The following LCA5 variants were observed in gnomAD, a reference collection of about 807,000 sequenced individuals.
LCA5 encodes the protein lebercilin.
A neutral mutation model predicts 53.0 loss-of-function variants in LCA5; 37 were observed. The ratio of observed to expected loss-of-function variants is 0.70; its 90% CI spans 0.54 to 0.92. The LOEUF is 0.92. Ranked by LOEUF, LCA5 falls within the 40% of genes least tolerant of loss-of-function variation. The probability of loss-of-function intolerance (pLI) is 0.00; values close to 1 mark genes in which losing one functional copy is unlikely to be tolerated. For synonymous variants in LCA5, 303 were observed against 282.9 expected (o/e 1.07, Z -0.71); for missense variants, 806 against 790.5 (o/e 1.02, Z -0.23).
At chr6:79,525,017 C>T (rs1394535401) in intron 1 of LCA5, 1 of 151,812 alleles carries the variant, frequency 6.6e-6, no homozygotes, top group Non-Finnish European at 1.5e-5. Flanking sequence ...AAAAATTATG[C>T]CAATATCTTC....
Position 79,487,580 on chromosome 6 carries a change from G to A in LCA5, c.1518C>T (p.Pro506=), listed in dbSNP as rs769091728. 31 of 1,613,874 alleles carry A rather than the reference G, an allele frequency of 1.9e-5. No homozygotes were observed. The Admixed American group carries it at 5.2e-4, about 27-fold the overall frequency. Residue 506 remains proline (P), a synonymous_variant, in exon 8 of 8, where the codon CCC becomes CCT. Coordinates refer to ENST00000369846, the MANE Select transcript of LCA5 (RefSeq NM_001122769.3). The part of the protein sequence containing the change: ...ESKLHSPERS[P]KTYRFSESSE... ...AGGATTCAGAGAACCTGTATGTTTT[G>A]GGGCTTCTCTCTGGGGAGTGTAGTT... is the stretch of plus-strand genomic sequence containing the variant.
intron 3 of LCA5, 54 bp from the exon 4 acceptor site, chr6:79,493,804 A>G (rs1242164309): frequency 1.5e-6 from 2 of 1,352,682 alleles, no homozygotes; most frequent in African/African-American, 1.4e-5. Flanking sequence ...CAACAATGAA[A>G]CATAACACAT....
chr6:79,491,838 G>A, intron 5 of LCA5, 108 bp from the exon 6 acceptor site: 2 of 899,460 alleles, frequency 2.2e-6, no homozygotes, highest in East Asian at 2.6e-5. Flanking sequence ...GCATATACAT[G>A]TACATTTATA....
At chr6:79,537,712 A>G (rs1767198914), upstream of LCA5, among the ~76,000 whole-genome samples, 1 of 151,824 alleles carries the variant, frequency 6.6e-6, no homozygotes, top group African/African-American at 2.4e-5. Flanking sequence ...CGGAGGGCAA[A>G]GTGGGTTCAT....
At chr6:79,516,736 C>T (rs1391048232) in intron 2 of LCA5, among the ~76,000 whole-genome samples, 3 of 151,838 alleles carry the variant, frequency 2.0e-5, no homozygotes, top group Non-Finnish European at 2.9e-5. Context: ...CATTCTTCAT[C>T]TCTCCTTCTT....
intron 1 of LCA5, among the ~76,000 whole-genome samples, chr6:79,530,037 A>G (rs1766911646): frequency 6.6e-6 from 1 of 151,912 alleles, no homozygotes; most frequent in Non-Finnish European, 1.5e-5. Context: ...GCACACCAAC[A>G]TGGCACACAT....
rs893680497 is a variant in LCA5 at position 79,534,313 on chromosome 6, T to C, written c.-192+2852A>G. Among the ~76,000 whole-genome samples the C allele has an allele frequency of 2.0e-5, 3 of 150,070 alleles. No homozygotes were observed. The East Asian group carries it at 5.8e-4, about 29-fold the overall frequency. ...TTTGAAATGTAAGACATAATCAGCTTATTTTAAACATTTTAAACAATGGAT... is the reference window on the plus strand; with the variant it reads ...TTTGAAATGTAAGACATAATCAGCTCATTTTAAACATTTTAAACAATGGAT... On this transcript the variant is annotated intron_variant, in intron 1 of 7. Transcript: ENST00000369846.
chr6:79,529,137 T>A (rs112708600), intron 1 of LCA5, among the ~76,000 whole-genome samples: 2,013 of 152,286 alleles, frequency 0.013, 50 homozygotes, highest in African/African-American at 0.046. Flanking sequence ...AGAGATTAAT[T>A]AAAACGGCTA....
intron 1 of LCA5, among the ~76,000 whole-genome samples, chr6:79,522,990 T>C (rs577920284): frequency 5.9e-5 from 9 of 152,202 alleles, no homozygotes; most frequent in Admixed American, 3.3e-4. Context: ...CGCTTCAAAA[T>C]TAACCCAAAG....
chr6:79,537,196 T>C lies in LCA5; in HGVS notation c.-223A>G, dbSNP rs1357254795. Reference sequence around the variant, plus strand: ...CCCGCAGGCTCTTCAGCAGAGCCGATGCGGCGTCCCGCCTCCTTGCCTTCC... The same window carrying C: ...CCCGCAGGCTCTTCAGCAGAGCCGACGCGGCGTCCCGCCTCCTTGCCTTCC... On this transcript the variant is annotated 5_prime_UTR_variant, in exon 1 of 8. Coordinates refer to ENST00000369846, the MANE Select transcript of LCA5 (RefSeq NM_001122769.3). 1 of 152,688 alleles carries C rather than the reference T, an allele frequency of 6.5e-6. No homozygotes were observed. The highest frequency in any genetic ancestry group is 1.5e-5 in the Non-Finnish European group (1 of 68,300). The allele number at this position is 152,688 out of a possible 1,614,324, so 9.5% of individuals were successfully genotyped here. A position where few individuals can be genotyped will look rare whatever the true frequency, so the allele number is the denominator to read the frequency against.
intron 3 of LCA5, among the ~76,000 whole-genome samples, chr6:79,510,099 A>C (rs1056777358): frequency 6.6e-6 from 1 of 152,222 alleles, no homozygotes; most frequent in African/African-American, 2.4e-5. Flanking sequence ...CTCTAATGTT[A>C]AGGTTTATTA....
intron 1 of LCA5, among the ~76,000 whole-genome samples, chr6:79,526,629 C>A (rs567441753): frequency 6.6e-6 from 1 of 152,238 alleles, no homozygotes; most frequent in East Asian, 1.9e-4. Context: ...AGCCCCTTTA[C>A]CTCAAAGGGT....
At position 79,487,126 on chromosome 6, in the gene LCA5, AAAAGCCTT is replaced by A; in HGVS notation, c.1964_1971del (p.Glu655ValfsTer4). The A allele has an allele frequency of 6.2e-7, 1 of 1,613,978 alleles. No individual in the cohort carries two copies. The highest frequency in any genetic ancestry group is 8.5e-7 in the Non-Finnish European group (1 of 1,179,928). On this transcript the variant is annotated frameshift_variant, in exon 8 of 8. Transcript: ENST00000369846. LOFTEE classifies it high-confidence loss of function. ...TTAAAACTTCTTCCTTCACTGAGGA[AAAAGCCTT>A]CATCTTCATCATGTTCTTGATCTCT... is the stretch of plus-strand genomic sequence containing the variant.
intron 3 of LCA5, among the ~76,000 whole-genome samples, chr6:79,503,269 G>C (rs1770191590): frequency 6.6e-6 from 1 of 152,192 alleles, no homozygotes; most frequent in African/African-American, 2.4e-5. Context: ...TTGGACTAGA[G>C]AGTTCCCCAT....
At chr6:79,516,969 T>C (rs149079745) in intron 2 of LCA5, among the ~76,000 whole-genome samples, 244 of 151,808 alleles carry the variant, frequency 1.6e-3, no homozygotes, top group African/African-American at 5.6e-3. Flanking sequence ...TGATACTGCA[T>C]GAATTTTATG....
intron 3 of LCA5, among the ~76,000 whole-genome samples, chr6:79,499,095 T>C (rs987038581): frequency 6.6e-6 from 1 of 152,074 alleles, no homozygotes; most frequent in African/African-American, 2.4e-5. Flanking sequence ...AAACAATCCA[T>C]GATTTAAAAC....
chr6:79,530,399 GA>G (rs1766923349), intron 1 of LCA5, among the ~76,000 whole-genome samples: 1 of 152,004 alleles, frequency 6.6e-6, no homozygotes, highest in Admixed American at 6.6e-5. Flanking sequence ...GAAAAATAAC[GA>G]ATAGGTACTG....
Position 79,537,392 on chromosome 6 carries a change from A to T in LCA5, c.-419T>A, listed in dbSNP as rs1174979638. 1 of 152,752 alleles carries T rather than the reference A, an allele frequency of 6.5e-6. No individual in the cohort carries two copies. Among genetic ancestry groups the T allele is most frequent in the African/African-American group, 2.4e-5 (1 of 41,476 alleles). 9.5% of individuals were successfully genotyped at this position (152,752 alleles called of 1,614,324 possible). A position where few individuals can be genotyped will look rare whatever the true frequency, so the allele number is the denominator to read the frequency against. ...GGGGCTCCTGGGTGGCAGCGGCGGT[A>T]ACCTGGGCTCCAGGGTAACGGAGGC... is the stretch of plus-strand genomic sequence containing the variant. On this transcript the variant is annotated 5_prime_UTR_variant, in exon 1 of 8. Coordinates refer to ENST00000369846, the MANE Select transcript of LCA5 (RefSeq NM_001122769.3).
chr6:79,487,525 G>T lies in LCA5; in HGVS notation c.1573C>A (p.Gln525Lys). Residue 525 changes from glutamine (Q) to lysine (K), a missense_variant, in exon 8 of 8, where the codon CAA becomes AAA. Gln to Lys is a moderately conservative substitution (Grantham distance 53). Coordinates refer to ENST00000369846, the MANE Select transcript of LCA5 (RefSeq NM_001122769.3). Reference sequence around the variant, plus strand: ...TTTGGAGTTGAGAAACTGATGTCTTGCAAATGATGCCCATTAAATAATCTC... The same window carrying T: ...TTTGGAGTTGAGAAACTGATGTCTTTCAAATGATGCCCATTAAATAATCTC... ...SERLFNGHHLQDISFSTPKGE... is the reference protein window; with the variant it reads ...SERLFNGHHLKDISFSTPKGE... The T allele has an allele frequency of 6.2e-7, 1 of 1,613,994 alleles. No individual in the cohort carries two copies. Among genetic ancestry groups the T allele is most frequent in the Non-Finnish European group, 8.5e-7 (1 of 1,179,922 alleles).
Sources: gnomAD v4.1 joint callset for allele counts (sites outside exome capture counted in the v4.1 genomes callset) on GRCh38, gnomAD v4.1.1 for gene constraint, MANE v1.5 for transcripts, NCBI Gene and HGNC (gene_info 2026-07-23, HGNC 2026-07-21) for gene names.